The following MTHFD1L variants were observed in gnomAD, a reference collection of about 807,000 sequenced individuals.
MTHFD1L encodes the protein methylenetetrahydrofolate dehydrogenase (NADP+ dependent) 1 like.
MTHFD1L carries 81 observed loss-of-function variants against 119.5 expected under a neutral mutation model. That is an observed-to-expected ratio of 0.68 (90% CI 0.57 to 0.82). The LOEUF (loss-of-function observed/expected upper bound fraction) is 0.82. Among genes scored for constraint, MTHFD1L ranks in the 40% least tolerant of loss-of-function variants. MTHFD1L has a pLI of 0.00. For missense variants in MTHFD1L, 1,125 were observed against 1,253.4 expected, an observed-to-expected ratio of 0.90 and a Z score of 1.55; for synonymous variants, 430 against 475.2, an observed-to-expected ratio of 0.90 and a Z score of 1.24.
At chr6:150,942,097 A>G (rs1306303448) in intron 13 of MTHFD1L, among the ~76,000 whole-genome samples, 1 of 152,010 alleles carries the variant, frequency 6.6e-6, no homozygotes, top group Admixed American at 6.6e-5. Context: ...TGTCTCTACT[A>G]AAAATACAAA....
intron 13 of MTHFD1L, 66 bp downstream of exon 13, chr6:150,938,811 C>T (rs142073457): frequency 6.5e-7 from 1 of 1,533,652 alleles, no homozygotes. Flanking sequence ...TGTCTCTGCT[C>T]CCATCCACAC....
chr6:150,956,056 G>C lies in MTHFD1L; in HGVS notation c.1788G>C (p.Lys596Asn). Residue 596 changes from lysine to asparagine, a missense_variant, in exon 17 of 28, where the codon AAG becomes AAC. Physicochemically the swap from Lys to Asn is moderately conservative, Grantham distance 94. Transcript: ENST00000367321. ...CCATCGGGCAGGGAAACACAGAGAA[G>C]GGCCATTACCGGCAGGTAGGTGGTG... ...KITIGQGNTE[K>N]GHYRQAQFDI... 1.2e-6 allele frequency: 2 copies of C among 1,614,030 alleles called. No individual in the cohort carries two copies. Among genetic ancestry groups the C allele is most frequent in the Non-Finnish European group, 8.5e-7 (1 of 1,179,886 alleles).
At chr6:150,934,984 C>A in intron 11 of MTHFD1L, 7 of 1,555,134 alleles carry the variant, frequency 4.5e-6, no homozygotes, top group Non-Finnish European at 6.1e-6. Flanking sequence ...AATGGGCTAT[C>A]AGACCAGACT....
chr6:151,044,024 CTA>C (rs1787552949), intron 26 of MTHFD1L, among the ~76,000 whole-genome samples: 1 of 152,204 alleles, frequency 6.6e-6, no homozygotes, highest in Admixed American at 6.5e-5. Context: ...AGGAATGAAA[CTA>C]TCCAGAAGCA....
chr6:150,955,010 T>G (rs1004835802), intron 16 of MTHFD1L, among the ~76,000 whole-genome samples: 4 of 152,144 alleles, frequency 2.6e-5, no homozygotes, highest in African/African-American at 7.2e-5. Flanking sequence ...TTTATTTACT[T>G]TTGCTTTTTA....
At chr6:151,083,397 C>T (rs767153254) in intron 26 of MTHFD1L, among the ~76,000 whole-genome samples, 18 of 152,126 alleles carry the variant, frequency 1.2e-4, no homozygotes, top group Non-Finnish European at 2.2e-4. Context: ...GGAGTTTCAC[C>T]ATGTTGGCCA....
chr6:150,945,994 C>T (rs916557297), intron 15 of MTHFD1L, among the ~76,000 whole-genome samples: 33 of 151,966 alleles, frequency 2.2e-4, no homozygotes, highest in Non-Finnish European at 1.9e-4. Context: ...AGCAACACAG[C>T]AAGAGCCCAT....
chr6:151,005,225 C>T (rs1437401352), intron 20 of MTHFD1L, among the ~76,000 whole-genome samples: 1 of 152,012 alleles, frequency 6.6e-6, no homozygotes, highest in East Asian at 1.9e-4. Context: ...ATCAAGGCCC[C>T]CTAAGGCACA....
intron 26 of MTHFD1L, among the ~76,000 whole-genome samples, chr6:151,086,914 A>T (rs1793858689): frequency 6.6e-6 from 1 of 152,122 alleles, no homozygotes; most frequent in South Asian, 2.1e-4. Context: ...AAAGACTTGA[A>T]TTTTTTTAGT....
chr6:151,013,894 G>A (rs1782643049), intron 22 of MTHFD1L, 74 bp downstream of exon 22: 1 of 1,334,838 alleles, frequency 7.5e-7, no homozygotes, highest in Non-Finnish European at 1.1e-6. Flanking sequence ...CAGTGAATGA[G>A]CCCTCCTTCA....
chr6:150,937,010 G>C (rs893386878), intron 12 of MTHFD1L, 70 bp downstream of exon 12: 1 of 1,558,324 alleles, frequency 6.4e-7, no homozygotes, highest in Admixed American at 1.7e-5. Flanking sequence ...AAAGAACATT[G>C]TCAACAGATA....
intron 4 of MTHFD1L, among the ~76,000 whole-genome samples, chr6:150,879,464 T>A (rs564585075): frequency 6.6e-6 from 1 of 151,556 alleles, no homozygotes; most frequent in South Asian, 2.1e-4. Context: ...ATTTTTTGTG[T>A]TTTTAGTAGA....
At chr6:150,907,314 C>A (rs1424980465) in intron 8 of MTHFD1L, among the ~76,000 whole-genome samples, 1 of 151,968 alleles carries the variant, frequency 6.6e-6, no homozygotes, top group Admixed American at 6.6e-5. Flanking sequence ...CCTTTTAGGA[C>A]CCTTATTTTT....
At chr6:150,904,365 A>G (rs1365766153) in intron 7 of MTHFD1L, among the ~76,000 whole-genome samples, 1 of 152,174 alleles carries the variant, frequency 6.6e-6, no homozygotes, top group Non-Finnish European at 1.5e-5. Context: ...GTGGGGGAAG[A>G]GACCATCAGT....
At chr6:150,887,725 G>A in intron 6 of MTHFD1L, 120 bp from the exon 7 acceptor site, 1 of 1,089,744 alleles carries the variant, frequency 9.2e-7, no homozygotes, top group South Asian at 2.1e-5. Context: ...CCAAAGTGCT[G>A]GAATTATAGG....
At chr6:151,094,546 A>C (rs1328876245) in intron 27 of MTHFD1L, among the ~76,000 whole-genome samples, 1 of 151,304 alleles carries the variant, frequency 6.6e-6, no homozygotes, top group Non-Finnish European at 1.5e-5. Flanking sequence ...TATTTTATTT[A>C]TGTATTTATT....
intron 27 of MTHFD1L, among the ~76,000 whole-genome samples, chr6:151,100,200 A>AT (rs1795259164): frequency 6.6e-6 from 1 of 151,654 alleles, no homozygotes; most frequent in South Asian, 2.1e-4. Context: ...CGCCCAGCTA[A>AT]TTTTTTTGTA....
chr6:151,070,570 A>G (rs1283474534), intron 26 of MTHFD1L, among the ~76,000 whole-genome samples: 1 of 152,208 alleles, frequency 6.6e-6, no homozygotes. Context: ...TTAATGGACT[A>G]GATAGTAGAT....
chr6:150,948,231 T>A (rs967168886), intron 15 of MTHFD1L, among the ~76,000 whole-genome samples: 1 of 152,174 alleles, frequency 6.6e-6, no homozygotes, highest in African/African-American at 2.4e-5. Flanking sequence ...GGTCTCGAAC[T>A]CCTGACCTCA....
Sources: gnomAD v4.1 joint callset for allele counts (sites outside exome capture counted in the v4.1 genomes callset) on GRCh38, gnomAD v4.1.1 for gene constraint, MANE v1.5 for transcripts, NCBI Gene and HGNC (gene_info 2026-07-23, HGNC 2026-07-21) for gene names.